MYCBP2: variants seen among roughly 807,000 people sequenced by gnomAD.
MYCBP2 encodes the protein E3 ubiquitin-protein ligase MYCBP2.
In MYCBP2, 120 loss-of-function variants were observed where a neutral mutation model predicts 525.3. The observed-to-expected ratio is 0.23, with a 90% CI of 0.20 to 0.27. The LOEUF (loss-of-function observed/expected upper bound fraction) is 0.27, where lower values mean the gene tolerates loss of function less well. Among genes scored for constraint, MYCBP2 ranks in the 10% least tolerant of loss-of-function variants. The pLI, the probability that MYCBP2 is intolerant of heterozygous loss-of-function variation, is 1.00. For synonymous variants in MYCBP2, 1,894 were observed against 1,955.8 expected, an observed-to-expected ratio of 0.97 and a Z score of 0.83; for missense variants, 4,149 against 5,657.1, an observed-to-expected ratio of 0.73 and a Z score of 8.55.
At chr13:77,165,462 A>G (rs2058422003) in intron 41 of MYCBP2, 71 bp from the exon 42 acceptor site, 3 of 1,094,352 alleles carry the variant, frequency 2.7e-6, no homozygotes, top group East Asian at 2.4e-5. Context: ...CTTTTATCCA[A>G]TGGACTTTCT....
intron 65 of MYCBP2, among the ~76,000 whole-genome samples, chr13:77,080,111 T>C (rs1195040080): frequency 6.6e-6 from 1 of 152,180 alleles, no homozygotes; most frequent in African/African-American, 2.4e-5. Context: ...GACTTTCCAG[T>C]AAGATAAAGT....
intron 19 of MYCBP2, among the ~76,000 whole-genome samples, chr13:77,224,895 C>T (rs952556196): frequency 3.6e-4 from 54 of 152,078 alleles, no homozygotes; most frequent in African/African-American, 1.2e-3. Flanking sequence ...TGCACAATTA[C>T]GTACAACATC....
At chr13:77,123,982 T>G (rs2051212676) in intron 54 of MYCBP2, among the ~76,000 whole-genome samples, 1 of 152,170 alleles carries the variant, frequency 6.6e-6, no homozygotes, top group Admixed American at 6.5e-5. Context: ...ACCCTTATCT[T>G]TTTCAAATGA....
intron 36 of MYCBP2, among the ~76,000 whole-genome samples, chr13:77,175,698 C>T (rs150361011): frequency 3.9e-5 from 6 of 152,216 alleles, no homozygotes; most frequent in South Asian, 2.1e-4. Context: ...CGGTGGCTCA[C>T]GCTTGTAATC....
intron 55 of MYCBP2, chr13:77,103,417 A>G: frequency 2.5e-6 from 1 of 393,372 alleles, no homozygotes. Flanking sequence ...GCAAGTATAA[A>G]CTGTTATTTT....
chr13:77,171,716 G>T (rs573706177), intron 37 of MYCBP2, 82 bp from the exon 38 acceptor site: 98 of 1,304,610 alleles, frequency 7.5e-5, no homozygotes, highest in Non-Finnish European at 9.5e-5. Flanking sequence ...CTAGATCTGA[G>T]ATCCTCATTT....
intron 17 of MYCBP2, among the ~76,000 whole-genome samples, chr13:77,242,156 C>A (rs2154315431): frequency 6.6e-6 from 1 of 152,260 alleles, no homozygotes; most frequent in East Asian, 1.9e-4. Flanking sequence ...ACTCTGTCGC[C>A]AGGCTGGAGT....
At chr13:77,168,981 T>C (rs1191558455) in intron 39 of MYCBP2, among the ~76,000 whole-genome samples, 1 of 152,220 alleles carries the variant, frequency 6.6e-6, no homozygotes, top group East Asian at 1.9e-4. Flanking sequence ...CCTTTAACAT[T>C]GCTATTGTTA....
At chr13:77,064,220 G>C (rs563318457) in intron 73 of MYCBP2, among the ~76,000 whole-genome samples, 6 of 152,312 alleles carry the variant, frequency 3.9e-5, no homozygotes, top group Middle Eastern at 3.4e-3. Context: ...TCTACATTAG[G>C]AACAACCAGG....
At position 77,045,046 on chromosome 13, in the gene MYCBP2, A is replaced by G. The variant is rs1314846083; in HGVS notation, c.*332T>C. 1 of 403,800 alleles carries G rather than the reference A, an allele frequency of 2.5e-6. No homozygotes were observed. Among genetic ancestry groups the G allele is most frequent in the African/African-American group, 2.1e-5 (1 of 48,716 alleles). 25.0% of individuals were successfully genotyped at this position (403,800 alleles called of 1,614,324 possible). On this transcript the variant is annotated 3_prime_UTR_variant, in exon 83 of 83. Coordinates refer to ENST00000544440, the MANE Select transcript of MYCBP2 (RefSeq NM_015057.5). ...TTTTCTTTTTTGCTTGAAAGCCAGC[A>G]TCGTTCTTAGTCCATGGGCATGGCG...
rs1240377550 is a variant in MYCBP2 at position 77,051,995 on chromosome 13, A to C, written c.13648-77T>G. 23 of 1,097,312 alleles carry C rather than the reference A, an allele frequency of 2.1e-5. No homozygotes were observed. The Middle Eastern group carries it at 5.9e-4, about 28-fold the overall frequency. The allele number at this position is 1,097,312 out of a possible 1,614,324, so 68.0% of individuals were successfully genotyped here. A position where few individuals can be genotyped will look rare whatever the true frequency, so the allele number is the denominator to read the frequency against. ...TGGGAGATACAGTATGGGCATAGTG[A>C]AAGTAAGATCTAGGGGTTTTAGAAA... On this transcript the variant is annotated intron_variant, in intron 80 of 82. Transcript: ENST00000544440.
At chr13:77,168,787 T>C (rs1268305063) in intron 39 of MYCBP2, 141 bp from the exon 40 acceptor site, 1 of 674,880 alleles carries the variant, frequency 1.5e-6, no homozygotes, top group African/African-American at 1.8e-5. Context: ...CAAAGAGAAA[T>C]CTTTCAATTG....
At chr13:77,194,328 G>A (rs2061555713) in intron 26 of MYCBP2, 84 bp from the exon 27 acceptor site, 1 of 1,004,124 alleles carries the variant, frequency 1.0e-6, no homozygotes. Flanking sequence ...TGTGCATGAT[G>A]AATGTATGCT....
chr13:77,130,198 A>T (rs1788392500), intron 52 of MYCBP2, among the ~76,000 whole-genome samples: 1 of 151,878 alleles, frequency 6.6e-6, no homozygotes, highest in Non-Finnish European at 1.5e-5. Context: ...ATTTTGAACC[A>T]AAAAAGAGGA....
In MYCBP2 at chr13:77,045,416, G is replaced by C. The variant is rs1378134657; in HGVS notation, c.13999C>G (p.Leu4667Val). The change falls in exon 83 of 83, where the codon CTG becomes GTG. Residue 4667 changes from leucine (L) to valine (V), a missense_variant. Around this residue, in one of 21 missense-constraint regions of MYCBP2, gnomAD observed 45 missense variants for 130.1 expected, o/e 0.35. Transcript: ENST00000544440. The stretch of plus-strand genomic sequence containing the variant: ...GCATTTCTGCACACTCCACATCCCA[G>C]AGCAAACTCTTCCCCAGTGGGTGGA... Reference protein sequence around the residue: ...VHPPTGEEFALGCGVCRNAHT... With the variant: ...VHPPTGEEFAVGCGVCRNAHT... 2 of 1,613,978 alleles carry C rather than the reference G, an allele frequency of 1.2e-6. No homozygotes were observed.
chr13:77,076,950 C>T (rs954730063), intron 67 of MYCBP2, 101 bp from the exon 68 acceptor site: 9 of 1,124,578 alleles, frequency 8.0e-6, no homozygotes, highest in Admixed American at 2.2e-5. Flanking sequence ...TAATATGCTA[C>T]TCTTGCTAAT....
chr13:77,237,524 CTAGAAATAAG>C (rs765371512), intron 17 of MYCBP2, among the ~76,000 whole-genome samples: 36 of 151,870 alleles, frequency 2.4e-4, no homozygotes, highest in Non-Finnish European at 4.3e-4. Flanking sequence ...AATGATATAA[CTAGAAATAAG>C]TAAAACTTGA....
rs368581011 is a variant in MYCBP2 at position 77,263,646 on chromosome 13, C to A, written c.1570+5G>T. 1.2e-6 allele frequency: 2 copies of A among 1,606,540 alleles called. No homozygotes were observed. The highest frequency in any genetic ancestry group is 1.1e-5 in the South Asian group (1 of 89,558). Reference sequence around the variant, plus strand: ...ATAGGGAAAACACTTAATTTGCTATCTTACTTATAATATGCAAGTCCTTTT... The same window carrying A: ...ATAGGGAAAACACTTAATTTGCTATATTACTTATAATATGCAAGTCCTTTT... On this transcript the variant is annotated splice_donor_5th_base_variant and intron_variant, in intron 10 of 82. Coordinates refer to ENST00000544440, the MANE Select transcript of MYCBP2 (RefSeq NM_015057.5).
intron 21 of MYCBP2, among the ~76,000 whole-genome samples, chr13:77,215,213 G>A (rs1311080336): frequency 6.6e-6 from 1 of 151,870 alleles, no homozygotes; most frequent in Non-Finnish European, 1.5e-5. Flanking sequence ...TAGGGTGAGG[G>A]GAATCTTAAA....
Sources: gnomAD v4.1 joint callset for allele counts (sites outside exome capture counted in the v4.1 genomes callset) on GRCh38, gnomAD v4.1.1 for gene constraint, gnomAD v4.1.1 regional missense constraint, MANE v1.5 for transcripts, NCBI Gene and HGNC (gene_info 2026-07-23, HGNC 2026-07-21) for gene names.